Variants in ASTN2 observed in about 807,000 individuals in gnomAD.
The protein encoded by ASTN2 is astrotactin 2.
Under a neutral mutation model 139.8 loss-of-function variants are expected in ASTN2, and 54 were observed. That is an observed-to-expected ratio of 0.39 (90% CI 0.31 to 0.48). The LOEUF is 0.48. ASTN2 is among the 20% of genes least tolerant of loss of function. The pLI, the probability that ASTN2 is intolerant of heterozygous loss-of-function variation, is 0.95. For synonymous variants in ASTN2, 756 were observed against 719.5 expected (o/e 1.05, Z -0.81); for missense variants, 1,565 against 1,725.1 (o/e 0.91, Z 1.64).
At chr9:117,233,553 G>A (rs1320025872) in intron 2 of ASTN2, among the ~76,000 whole-genome samples, 1 of 152,094 alleles carries the variant, frequency 6.6e-6, no homozygotes, top group Non-Finnish European at 1.5e-5. Flanking sequence ...ACCCCAAAAT[G>A]AACATCAAAT....
At chr9:116,725,503 G>T (rs1383609745) in intron 16 of ASTN2, among the ~76,000 whole-genome samples, 2 of 152,076 alleles carry the variant, frequency 1.3e-5, no homozygotes, top group Non-Finnish European at 2.9e-5. Flanking sequence ...GTACCTGCAA[G>T]AGAAGGCAAG....
chr9:116,535,513 T>G (rs1265451307), intron 19 of ASTN2, among the ~76,000 whole-genome samples: 3 of 152,208 alleles, frequency 2.0e-5, no homozygotes, highest in African/African-American at 7.2e-5. Context: ...CTTTCCATGT[T>G]TAGTTCTTCC....
chr9:116,677,517 A>G (rs1388380719), intron 16 of ASTN2, among the ~76,000 whole-genome samples: 1 of 152,142 alleles, frequency 6.6e-6, no homozygotes, highest in African/African-American at 2.4e-5. Context: ...GGCTAATAGC[A>G]CTTATGGAGG....
chr9:116,586,069 A>G (rs1854133732), intron 19 of ASTN2: 1 of 152,240 alleles, frequency 6.6e-6, no homozygotes, highest in Non-Finnish European at 1.5e-5. Context: ...TAGTCATCAG[A>G]GAAACAGAAA....
chr9:117,411,594 C>G (rs903945465), intron 1 of ASTN2, among the ~76,000 whole-genome samples: 3 of 152,130 alleles, frequency 2.0e-5, no homozygotes, highest in African/African-American at 7.2e-5. Flanking sequence ...GCAAAATTAC[C>G]TTGAGGTCCC....
In ASTN2 at chr9:116,632,181, A is replaced by AGG. The variant is rs1262668297; in HGVS notation, c.3073-11739_3073-11738insCC. ...GACAGAGAGAGAGAGAGAGAGAGAG[A>AGG]GAGGGAGAGAGAGAGAAAGAAAGAA... On this transcript the variant is annotated intron_variant, in intron 17 of 22. Coordinates refer to ENST00000313400, the MANE Select transcript of ASTN2 (RefSeq NM_001365068.1). Among the ~76,000 whole-genome samples the AGG allele has an allele frequency of 1.8e-3, 45 of 25,290 alleles. 2 individuals carry two copies. Among genetic ancestry groups the AGG allele is most frequent in the Middle Eastern group, 0.028 (1 of 36 alleles). The allele number at this position is 25,290 out of a possible 152,430, so 16.6% of individuals were successfully genotyped here.
chr9:116,586,538 G>A (rs1371216354), intron 19 of ASTN2, among the ~76,000 whole-genome samples: 1 of 152,108 alleles, frequency 6.6e-6, no homozygotes. Context: ...AATTAATGCA[G>A]GAACAGGAAA....
chr9:117,390,878 T>C (rs1830522314), intron 1 of ASTN2, among the ~76,000 whole-genome samples: 2 of 152,178 alleles, frequency 1.3e-5, no homozygotes, highest in Admixed American at 6.5e-5. Flanking sequence ...CTGGATCCCA[T>C]GGTAAGAGTA....
At chr9:116,567,508 T>A (rs370895920) in intron 19 of ASTN2, among the ~76,000 whole-genome samples, 18 of 152,274 alleles carry the variant, frequency 1.2e-4, no homozygotes, top group African/African-American at 4.1e-4. Context: ...AGGGGGTGGA[T>A]AGGGGCTCTC....
At chr9:116,685,218 C>A (rs188929930) in intron 16 of ASTN2, among the ~76,000 whole-genome samples, 1 of 152,140 alleles carries the variant, frequency 6.6e-6, no homozygotes, top group Admixed American at 6.5e-5. Context: ...GTGGCCCCCC[C>A]ACTCAGGAAC....
intron 3 of ASTN2, among the ~76,000 whole-genome samples, chr9:117,203,622 T>C (rs1831807950): frequency 6.6e-6 from 1 of 152,084 alleles, no homozygotes; most frequent in African/African-American, 2.4e-5. Context: ...TCCGTAGAGC[T>C]GCTGCAGTTT....
chr9:117,379,059 G>T (rs369333717), intron 1 of ASTN2, among the ~76,000 whole-genome samples: 5 of 152,244 alleles, frequency 3.3e-5, no homozygotes, highest in African/African-American at 1.2e-4. Flanking sequence ...GCTTCTAGAG[G>T]ACTCCTCAGA....
At chr9:117,322,007 G>A (rs1443865771) in intron 1 of ASTN2, among the ~76,000 whole-genome samples, 1 of 152,012 alleles carries the variant, frequency 6.6e-6, no homozygotes, top group Non-Finnish European at 1.5e-5. Flanking sequence ...CTTTAAAAAA[G>A]CCATGGTGTC....
chr9:116,487,366 G>C lies in ASTN2; in HGVS notation c.3490C>G (p.Leu1164Val). 6.2e-7 allele frequency: 1 copy of C among 1,613,888 alleles called. No homozygotes were observed. The highest frequency in any genetic ancestry group is 8.5e-7 in the Non-Finnish European group (1 of 1,179,896). ...ACACCCAACACATCTTACTTGTAGA[G>C]ACCGTCGGGCTCCAGACACTTGAAG... ...VIFKCLEPDGLYKFTLYAVDT... is the reference protein window; with the variant it reads ...VIFKCLEPDGVYKFTLYAVDT... The change falls in exon 20 of 23, where the codon CTC becomes GTC. Residue 1164 changes from leucine (L) to valine (V), a missense_variant. By Grantham distance (32) the Leu-to-Val change is conservative. Coordinates refer to ENST00000313400, the MANE Select transcript of ASTN2 (RefSeq NM_001365068.1).
intron 11 of ASTN2, among the ~76,000 whole-genome samples, chr9:116,825,099 A>G (rs986982006): frequency 2.0e-5 from 3 of 152,190 alleles, no homozygotes; most frequent in South Asian, 2.1e-4. Context: ...GTGACCTTGG[A>G]CAAGTCCTTG....
chr9:116,632,185 G>GAGAGAGAGAGAGAGAGA lies in ASTN2; in HGVS notation c.3073-11743_3073-11742insTCTCTCTCTCTCTCTCT, dbSNP rs1564168833. Reference sequence around the variant, plus strand: ...GAGAGAGAGAGAGAGAGAGAGAGAGGGAGAGAGAGAGAAAGAAAGAAAAGA... The same window carrying GAGAGAGAGAGAGAGAGA: ...GAGAGAGAGAGAGAGAGAGAGAGAGGAGAGAGAGAGAGAGAGAGAGAGAGAGAGAAAGAAAGAAAAGA... On this transcript the variant is annotated intron_variant, in intron 17 of 22. Coordinates refer to ENST00000313400, the MANE Select transcript of ASTN2 (RefSeq NM_001365068.1). Among the ~76,000 whole-genome samples the GAGAGAGAGAGAGAGAGA allele has an allele frequency of 1.0e-4, 5 of 48,706 alleles. No homozygotes were observed. The East Asian group carries it at 1.8e-3, about 18-fold the overall frequency. The allele number at this position is 48,706 out of a possible 152,430, so 32.0% of individuals were successfully genotyped here. A position where few individuals can be genotyped will look rare whatever the true frequency, so the allele number is the denominator to read the frequency against.
intron 19 of ASTN2, among the ~76,000 whole-genome samples, chr9:116,604,144 C>T (rs573415480): frequency 1.4e-4 from 21 of 152,272 alleles, no homozygotes; most frequent in African/African-American, 4.8e-4. Context: ...TTATGCCTGT[C>T]CTGTTACCAT....
chr9:116,578,619 CGTGTGTGTGTGTGT>C lies in ASTN2; in HGVS notation c.3355+39691_3355+39704del, dbSNP rs71377254. On this transcript the variant is annotated intron_variant, in intron 19 of 22. Transcript: ENST00000313400. The stretch of plus-strand genomic sequence containing the variant: ...TTGAACCCAGGCCGTCTGGCTCCAA[CGTGTGTGTGTGTGT>C]GTGTGTGTGTGTGTGTGTGTGTGTG... Among the ~76,000 whole-genome samples the C allele has an allele frequency of 4.3e-3, 587 of 137,670 alleles. 1 individual carries two copies. Among genetic ancestry groups the C allele is most frequent in the Middle Eastern group, 0.026 (7 of 272 alleles). 90.3% of individuals were successfully genotyped at this position (137,670 alleles called of 152,430 possible).
At chr9:117,257,851 G>A (rs1359640383) in intron 2 of ASTN2, among the ~76,000 whole-genome samples, 1 of 152,206 alleles carries the variant, frequency 6.6e-6, no homozygotes. Context: ...TGTAGTCATT[G>A]CTCTGCCCTC....
Sources: allele counts gnomAD v4.1 joint callset (sites outside exome capture counted in the v4.1 genomes callset), GRCh38; gene constraint gnomAD v4.1.1; transcripts MANE v1.5; gene names NCBI Gene and HGNC (gene_info 2026-07-23, HGNC 2026-07-21).